GRIK2: variants seen among roughly 807,000 people sequenced by gnomAD.
GRIK2 encodes glutamate ionotropic receptor kainate type subunit 2.
Under a neutral mutation model 100.3 loss-of-function variants are expected in GRIK2, and 32 were observed. That is an observed-to-expected ratio of 0.32 (90% CI 0.24 to 0.43). The LOEUF is 0.43. Ranked by LOEUF, GRIK2 falls within the 20% of genes least tolerant of loss-of-function variation. The pLI is 1.00. For synonymous variants in GRIK2, 417 were observed against 389.4 expected, an observed-to-expected ratio of 1.07 and a Z score of -0.83; for missense variants, 843 against 1,114.9, an observed-to-expected ratio of 0.76 and a Z score of 3.47.
chr6:101,893,923 A>G (rs1787270703), intron 12 of GRIK2, among the ~76,000 whole-genome samples: 1 of 151,574 alleles, frequency 6.6e-6, no homozygotes. Context: ...AAATCATCTT[A>G]AATTCTGTAA....
intron 7 of GRIK2, among the ~76,000 whole-genome samples, chr6:101,700,279 G>A (rs1235550166): frequency 6.6e-6 from 1 of 151,728 alleles, no homozygotes; most frequent in Non-Finnish European, 1.5e-5. Context: ...CTAAGTACAG[G>A]ACACCCCTGC....
chr6:102,064,407 C>T (rs1771911165), intron 16 of GRIK2, among the ~76,000 whole-genome samples: 1 of 107,578 alleles, frequency 9.3e-6, no homozygotes, highest in Non-Finnish European at 2.1e-5. Context: ...CTCTCTCTCC[C>T]TCCCTCCTTT....
At chr6:101,782,640 G>A (rs1366578475) in intron 7 of GRIK2, among the ~76,000 whole-genome samples, 1 of 151,868 alleles carries the variant, frequency 6.6e-6, no homozygotes, top group Non-Finnish European at 1.5e-5. Context: ...CCATATTTTG[G>A]CTATTGCAAA....
At chr6:101,572,431 G>C (rs552512434) in intron 2 of GRIK2, among the ~76,000 whole-genome samples, 1 of 152,014 alleles carries the variant, frequency 6.6e-6, no homozygotes, top group South Asian at 2.1e-4. Flanking sequence ...GTAAGTGTGC[G>C]TAATACAATA....
At chr6:102,068,304 T>A (rs763491303) in intron 16 of GRIK2, 43 bp from the exon 17 acceptor site, 1 of 1,392,170 alleles carries the variant, frequency 7.2e-7, no homozygotes, top group East Asian at 2.3e-5. Context: ...CAGTTACAGT[T>A]TATGTATCTT....
At chr6:101,774,548 C>A (rs1778619483) in intron 7 of GRIK2, among the ~76,000 whole-genome samples, 1 of 152,066 alleles carries the variant, frequency 6.6e-6, no homozygotes, top group African/African-American at 2.4e-5. Context: ...TTAGTAAGAG[C>A]TTTGTGTAAC....
At chr6:101,975,723 G>A (rs1049689338) in intron 14 of GRIK2, among the ~76,000 whole-genome samples, 1 of 151,902 alleles carries the variant, frequency 6.6e-6, no homozygotes, top group Non-Finnish European at 1.5e-5. Context: ...GGCAGGTGGA[G>A]TCAGGTAGTT....
chr6:102,066,747 G>A (rs1270644307), intron 16 of GRIK2, among the ~76,000 whole-genome samples: 1 of 151,660 alleles, frequency 6.6e-6, no homozygotes, highest in Non-Finnish European at 1.5e-5. Context: ...AAAAATAATA[G>A]ATTTGAGTTT....
At chr6:101,848,405 T>G (rs894683480) in intron 10 of GRIK2, among the ~76,000 whole-genome samples, 1 of 152,160 alleles carries the variant, frequency 6.6e-6, no homozygotes, top group Non-Finnish European at 1.5e-5. Context: ...CAAAAATATT[T>G]ACTATTTGGT....
At chr6:101,401,227 A>T (rs1177807203) in intron 2 of GRIK2, among the ~76,000 whole-genome samples, 1 of 152,194 alleles carries the variant, frequency 6.6e-6, no homozygotes, top group Admixed American at 6.5e-5. Context: ...CAATACTCTA[A>T]GGATTTAATT....
At chr6:101,608,424 A>G (rs564496891) in intron 2 of GRIK2, among the ~76,000 whole-genome samples, 1 of 152,062 alleles carries the variant, frequency 6.6e-6, no homozygotes, top group South Asian at 2.1e-4. Flanking sequence ...TTCTATGAAT[A>G]TAATTGAACA....
rs114266181 is a variant in GRIK2, at chr6:101,488,375, C to G, written c.115+88983C>G. Among the ~76,000 whole-genome samples the G allele has an allele frequency of 9.7e-3, 1,419 of 146,494 alleles. 221 individuals carry two copies. Among genetic ancestry groups the G allele is most frequent in the African/African-American group, 0.035 (1,362 of 38,480 alleles). On this transcript the variant is annotated intron_variant, in intron 2 of 16. Transcript: ENST00000369134. ...GGTCATGAGTTGTGGTTTTTTAAAA[C>G]CTCTTTTGTTTCATTGTGTAGGAAA...
intron 10 of GRIK2, among the ~76,000 whole-genome samples, chr6:101,825,083 A>G (rs1782228750): frequency 1.3e-5 from 2 of 152,196 alleles, no homozygotes; most frequent in African/African-American, 4.8e-5. Context: ...AGAGTTGCAT[A>G]GCATTTGGGC....
At chr6:101,552,060 G>T (rs1249387860) in intron 2 of GRIK2, among the ~76,000 whole-genome samples, 4 of 152,088 alleles carry the variant, frequency 2.6e-5, no homozygotes, top group African/African-American at 9.7e-5. Context: ...AATTGGGAAT[G>T]GGTGGATGCA....
intron 4 of GRIK2, among the ~76,000 whole-genome samples, chr6:101,632,224 A>G (rs1780781476): frequency 6.6e-6 from 1 of 152,036 alleles, no homozygotes. Context: ...CCAAAGGACC[A>G]TGGAAACACC....
intron 2 of GRIK2, among the ~76,000 whole-genome samples, chr6:101,494,971 T>TTATATATCTATATA (rs1773350822): frequency 9.3e-6 from 1 of 107,984 alleles, no homozygotes. Context: ...ATATATGCAT[T>TTATATATCTATATA]TATATATATA....
At chr6:101,661,754 G>A (rs150122275) in intron 4 of GRIK2, among the ~76,000 whole-genome samples, 25 of 152,096 alleles carry the variant, frequency 1.6e-4, no homozygotes, top group South Asian at 4.2e-4. Context: ...TGCACTTCCC[G>A]TGTGAGGCGA....
intron 2 of GRIK2, among the ~76,000 whole-genome samples, chr6:101,604,912 T>C (rs1045567511): frequency 2.6e-5 from 4 of 151,818 alleles, no homozygotes; most frequent in Non-Finnish European, 4.4e-5. Context: ...TTAAAATAGG[T>C]GTAGAAATTT....
At chr6:101,863,424 C>A (rs1168595050) in intron 11 of GRIK2, among the ~76,000 whole-genome samples, 2 of 152,226 alleles carry the variant, frequency 1.3e-5, no homozygotes, top group South Asian at 4.2e-4. Context: ...GGCTGTACTC[C>A]AAAAAGCTTT....
Sources: gnomAD v4.1 joint callset for allele counts (sites outside exome capture counted in the v4.1 genomes callset) on GRCh38, gnomAD v4.1.1 for gene constraint, MANE v1.5 for transcripts, NCBI Gene and HGNC (gene_info 2026-07-23, HGNC 2026-07-21) for gene names.